The following ZNF415 variants were observed in gnomAD, a reference collection of about 807,000 sequenced individuals.
The protein encoded by ZNF415 is zinc finger protein 415.
ZNF415 carries 5 observed loss-of-function variants against 7.3 expected under a neutral mutation model. The ratio of observed to expected loss-of-function variants is 0.69; its 90% CI spans 0.36 to 1.44. The LOEUF is 1.44. Ranked by LOEUF, ZNF415 falls within the 40% of genes most tolerant of loss-of-function variation. The probability of loss-of-function intolerance (pLI) is 0.04; values close to 1 mark genes in which losing one functional copy is unlikely to be tolerated. For missense variants in ZNF415, 628 were observed against 664.8 expected, an observed-to-expected ratio of 0.94 and a Z score of 0.61; for synonymous variants, 207 against 226.3, an observed-to-expected ratio of 0.91 and a Z score of 0.77.
At chr19:53,131,000 C>G (rs1192255285) in intron 1 of ZNF415, among the ~76,000 whole-genome samples, 1 of 148,848 alleles carries the variant, frequency 6.7e-6, no homozygotes, top group Non-Finnish European at 1.5e-5. Flanking sequence ...CCCAGGAAGG[C>G]TTTGAATGCA....
At chr19:53,123,783 A>T (rs1226419354) in intron 1 of ZNF415, 2 of 388,062 alleles carry the variant, frequency 5.2e-6, no homozygotes, top group Non-Finnish European at 9.1e-6. Flanking sequence ...TTATAAATTA[A>T]CCCACTTACA....
At chr19:53,118,105 A>T (rs962502952) in intron 2 of ZNF415, among the ~76,000 whole-genome samples, 2 of 152,176 alleles carry the variant, frequency 1.3e-5, no homozygotes, top group South Asian at 2.1e-4. Flanking sequence ...CAAAGTGAAA[A>T]TATGAAAAAA....
At chr19:53,119,271 G>A (rs1417478253) in intron 2 of ZNF415, among the ~76,000 whole-genome samples, 1 of 151,542 alleles carries the variant, frequency 6.6e-6, no homozygotes, top group Non-Finnish European at 1.5e-5. Context: ...GACAGAGGGA[G>A]ACTTCGTCTC....
rs34688086 is a variant in ZNF415, at chr19:53,119,444, C to CAAA, written c.16-3014_16-3012dup. ...TGGGTGACAGAGCAAGACTCCATCT[C>CAAA]AAAAAAAAAAAAAAAAAAAAAAAAA... is the stretch of plus-strand genomic sequence containing the variant. On this transcript the variant is annotated intron_variant, in intron 2 of 3. Transcript: ENST00000243643. Among the ~76,000 whole-genome samples the CAAA allele has an allele frequency of 8.0e-4, 28 of 35,060 alleles. 1 individual carries two copies. The highest frequency in any genetic ancestry group is 1.6e-3 in the Admixed American group (3 of 1,836). The allele number at this position is 35,060 out of a possible 152,430, so 23.0% of individuals were successfully genotyped here.
intron 1 of ZNF415, 74 bp from the exon 2 acceptor site, chr19:53,122,817 A>G: frequency 8.3e-7 from 1 of 1,197,652 alleles, no homozygotes; most frequent in South Asian, 1.3e-5. Flanking sequence ...GCACACACAT[A>G]CACAGGGAGG....
chr19:53,120,986 A>T (rs938709049), intron 2 of ZNF415, among the ~76,000 whole-genome samples: 5 of 144,680 alleles, frequency 3.5e-5, no homozygotes, highest in Admixed American at 7.2e-5. Flanking sequence ...CAGGAGGCTG[A>T]GGCAGGAGAA....
At chr19:53,116,934 G>T (rs2087149327) in intron 2 of ZNF415, among the ~76,000 whole-genome samples, 1 of 152,166 alleles carries the variant, frequency 6.6e-6, no homozygotes, top group African/African-American at 2.4e-5. Flanking sequence ...GCACCATAAG[G>T]TGACCAAATA....
intron 3 of ZNF415, among the ~76,000 whole-genome samples, chr19:53,110,721 C>T (rs1419113368): frequency 6.6e-6 from 1 of 152,208 alleles, no homozygotes; most frequent in African/African-American, 2.4e-5. Context: ...TCAGAACCAG[C>T]ACACAACCTG....
chr19:53,125,628 C>G (rs1356686013), intron 1 of ZNF415, among the ~76,000 whole-genome samples: 2 of 151,976 alleles, frequency 1.3e-5, no homozygotes, highest in South Asian at 2.1e-4. Context: ...AGCAACCATG[C>G]CTGCCATATC....
chr19:53,122,804 C>T (rs1158306381), intron 1 of ZNF415, 61 bp from the exon 2 acceptor site: 12 of 1,276,860 alleles, frequency 9.4e-6, no homozygotes, highest in South Asian at 1.3e-5. Context: ...TCTTGTGTGA[C>T]AAGCACACAC....
intron 2 of ZNF415, chr19:53,122,358 G>A (rs1041116706): frequency 3.0e-5 from 46 of 1,527,536 alleles, no homozygotes; most frequent in Non-Finnish European, 3.8e-5. Flanking sequence ...TGTGGCCCCT[G>A]AACAATCCCT....
chr19:53,111,176 A>C lies in ZNF415; in HGVS notation c.137-1268T>G, dbSNP rs12463113. Among the ~76,000 whole-genome samples the C allele has an allele frequency of 8.1e-3, 1,234 of 152,082 alleles. 16 individuals are homozygous for C. The highest frequency in any genetic ancestry group is 0.028 in the African/African-American group (1,150 of 41,484). ...AAAATAGGATTAATGCCCTTACAGG[A>C]CAAAACATAAGAGCTTGTTTTCTCT... On this transcript the variant is annotated intron_variant, in intron 3 of 3. Transcript: ENST00000243643.
chr19:53,130,204 A>C (rs1175502398), intron 1 of ZNF415, among the ~76,000 whole-genome samples: 1 of 152,240 alleles, frequency 6.6e-6, no homozygotes, highest in Non-Finnish European at 1.5e-5. Flanking sequence ...CAAATTACAC[A>C]AAAGAAGAAA....
At chr19:53,110,376 A>G (rs1213847992) in intron 3 of ZNF415, among the ~76,000 whole-genome samples, 1 of 152,232 alleles carries the variant, frequency 6.6e-6, no homozygotes, top group African/African-American at 2.4e-5. Flanking sequence ...AGTAAGATAC[A>G]TAAATGATAA....
intron 3 of ZNF415, among the ~76,000 whole-genome samples, chr19:53,115,022 A>G (rs2086790661): frequency 6.6e-6 from 1 of 152,018 alleles, no homozygotes; most frequent in Non-Finnish European, 1.5e-5. Flanking sequence ...GAGCGAACTG[A>G]GCATCAGGTG....
At chr19:53,119,096 T>C (rs978813254) in intron 2 of ZNF415, among the ~76,000 whole-genome samples, 13 of 151,974 alleles carry the variant, frequency 8.6e-5, no homozygotes, top group East Asian at 1.9e-4. Flanking sequence ...CTGGCTAACA[T>C]GGTGAACCCC....
chr19:53,108,890 C>G lies in ZNF415; in HGVS notation c.1155G>C (p.Lys385Asn). 3 of 1,613,920 alleles carry G rather than the reference C, an allele frequency of 1.9e-6. No individual in the cohort carries two copies. The highest frequency in any genetic ancestry group is 2.5e-6 in the Non-Finnish European group (3 of 1,179,976). Residue 385 changes from lysine to asparagine, a missense_variant, in exon 4 of 4, where the codon AAG becomes AAC. Lys to Asn is a moderately conservative substitution (Grantham distance 94). Coordinates refer to ENST00000243643, the MANE Select transcript of ZNF415 (RefSeq NM_018355.4). ...QRIHTGEKPY[K>N]CNECGKVFSQ... ...TGAAGACTTTACCACATTCATTACA[C>G]TTGTATGGTTTCTCCCCAGTGTGAA...
intron 3 of ZNF415, among the ~76,000 whole-genome samples, chr19:53,114,549 A>G (rs2086716367): frequency 6.6e-6 from 1 of 152,202 alleles, no homozygotes; most frequent in Non-Finnish European, 1.5e-5. Flanking sequence ...CCACATTCAT[A>G]TAGCAGTGAG....
chr19:53,109,015 T>C lies in ZNF415; in HGVS notation c.1030A>G (p.Thr344Ala), dbSNP rs950437544. 4.3e-6 allele frequency: 7 copies of C among 1,613,972 alleles called. No homozygotes were observed. The African/African-American group carries it at 8.0e-5, about 18-fold the overall frequency. Residue 344 changes from threonine to alanine, a missense_variant, in exon 4 of 4, where the codon ACC becomes GCC. Coordinates refer to ENST00000243643, the MANE Select transcript of ZNF415 (RefSeq NM_018355.4). ...CCACTATGAATTACCTGATGGTTGG[T>C]AAGTGTTGACCTCACACTAAAGGCT... ...GKAFSVRSTL[T>A]NHQVIHSGKK...
Sources: gnomAD v4.1 joint callset for allele counts (sites outside exome capture counted in the v4.1 genomes callset) on GRCh38, gnomAD v4.1.1 for gene constraint, MANE v1.5 for transcripts, NCBI Gene and HGNC (gene_info 2026-07-23, HGNC 2026-07-21) for gene names.